SMPD3: variants seen among roughly 807,000 people sequenced by gnomAD.
SMPD3 encodes nSMase-2.
In SMPD3, 21 loss-of-function variants were observed where a neutral mutation model predicts 55.7. That is an observed-to-expected ratio of 0.38 (90% confidence interval 0.27 to 0.54). The LOEUF (loss-of-function observed/expected upper bound fraction) is 0.54, where lower values mean the gene tolerates loss of function less well. Among genes scored for constraint, SMPD3 ranks in the 20% least tolerant of loss-of-function variants. The pLI is 0.80. For synonymous variants in SMPD3, 457 were observed against 404.3 expected (o/e 1.13, Z -1.56); for missense variants, 842 against 899.6 (o/e 0.94, Z 0.82).
rs749570084 is a variant in SMPD3 at position 68,377,560 on chromosome 16, GC to G, written c.-206-5174del. ...GCTCAGAGGCCTGCACTGAGCCAGA[GC>G]CCCCCTCCCTAGACACTGGCCTGAG... On this transcript the variant is annotated intron_variant, in intron 2 of 8. Transcript: ENST00000219334. 3.9e-5 allele frequency among the ~76,000 whole-genome samples: 6 copies of G among 152,332 alleles called. 1 individual carries two copies. The highest frequency in any genetic ancestry group is 6.5e-5 in the Admixed American group (1 of 15,310).
intron 1 of SMPD3, among the ~76,000 whole-genome samples, chr16:68,416,408 C>G (rs2090340171): frequency 6.6e-6 from 1 of 152,220 alleles, no homozygotes; most frequent in South Asian, 2.1e-4. Context: ...ACTCTTCCCT[C>G]CACAAATCAT....
intron 1 of SMPD3, among the ~76,000 whole-genome samples, chr16:68,391,590 C>A (rs12927428): frequency 1.3e-5 from 2 of 151,918 alleles, no homozygotes; most frequent in Non-Finnish European, 2.9e-5. Flanking sequence ...GATCAGTTAT[C>A]CATTTGGAAA....
chr16:68,364,930 T>C (rs769294099), intron 4 of SMPD3, 24 bp from the exon 5 acceptor site: 2 of 1,612,828 alleles, frequency 1.2e-6, no homozygotes. Context: ...GTACAGAGAC[T>C]GGATGATGAA....
chr16:68,362,190 G>A (rs1243767633), intron 7 of SMPD3, among the ~76,000 whole-genome samples: 1 of 152,154 alleles, frequency 6.6e-6, no homozygotes, highest in African/African-American at 2.4e-5. Flanking sequence ...GAGCACCTCT[G>A]AGGAGTCTCA....
chr16:68,398,539 A>G (rs191290480), intron 1 of SMPD3, among the ~76,000 whole-genome samples: 1 of 152,308 alleles, frequency 6.6e-6, no homozygotes. Context: ...TCCAGAAACC[A>G]CCAAAAAGCT....
At chr16:68,410,048 G>T (rs189554178) in intron 1 of SMPD3, among the ~76,000 whole-genome samples, 1 of 152,224 alleles carries the variant, frequency 6.6e-6, no homozygotes, top group Non-Finnish European at 1.5e-5. Context: ...TGACCCTAAC[G>T]AGGCAGAGAT....
In SMPD3 at chr16:68,371,535, C is replaced by A; in HGVS notation, c.647G>T (p.Gly216Val). The stretch of plus-strand genomic sequence containing the variant: ...AGCCTCGTCACCGGGGTGCCGCCCA[C>A]CGTCACCCTTGTACTCCACAGAGGC... The part of the protein sequence containing the change: ...RTASVEYKGD[G>V]GRHPGDEAAN... Residue 216 changes from glycine (G) to valine (V), a missense_variant, in exon 3 of 9, where the codon GGT becomes GTT. By Grantham distance (109) the Gly-to-Val change is moderately radical. This residue lies in a region of SMPD3 where 649 missense variants were observed against 643.6 expected (regional missense o/e 1.01). Transcript: ENST00000219334. 1 of 1,601,834 alleles carries A rather than the reference C, an allele frequency of 6.2e-7. No homozygotes were observed. Among genetic ancestry groups the A allele is most frequent in the Non-Finnish European group, 8.5e-7 (1 of 1,179,282 alleles).
chr16:68,405,626 C>T (rs1377682366), intron 1 of SMPD3, among the ~76,000 whole-genome samples: 2 of 151,412 alleles, frequency 1.3e-5, no homozygotes, highest in African/African-American at 4.9e-5. Context: ...TGTGTTCTGC[C>T]CCCATCATGG....
intron 1 of SMPD3, among the ~76,000 whole-genome samples, chr16:68,411,048 C>T (rs557906341): frequency 6.6e-6 from 1 of 152,354 alleles, no homozygotes; most frequent in South Asian, 2.1e-4. Flanking sequence ...ACAGAGAAGG[C>T]CAGAGTTTAA....
intron 3 of SMPD3, chr16:68,368,290 C>T (rs2089545656): frequency 6.6e-6 from 1 of 151,932 alleles, no homozygotes; most frequent in African/African-American, 2.4e-5. Flanking sequence ...GTACAGGAGC[C>T]CCTCATCGGG....
chr16:68,438,660 C>T (rs565050423), intron 1 of SMPD3, among the ~76,000 whole-genome samples: 3 of 152,316 alleles, frequency 2.0e-5, no homozygotes, highest in African/African-American at 4.8e-5. Context: ...CATTCCTACC[C>T]CTGTTCATTT....
At chr16:68,417,826 A>C (rs2090351253) in intron 1 of SMPD3, among the ~76,000 whole-genome samples, 1 of 152,200 alleles carries the variant, frequency 6.6e-6, no homozygotes, top group Admixed American at 6.5e-5. Flanking sequence ...TAAATGAGTA[A>C]ACACATACAT....
At chr16:68,412,859 T>C (rs1031083263) in intron 1 of SMPD3, among the ~76,000 whole-genome samples, 11 of 152,360 alleles carry the variant, frequency 7.2e-5, no homozygotes, top group Middle Eastern at 3.4e-3. Flanking sequence ...AGGAATATGC[T>C]GTGCTTTTAA....
At chr16:68,395,715 A>C (rs966712430) in intron 1 of SMPD3, among the ~76,000 whole-genome samples, 1 of 152,284 alleles carries the variant, frequency 6.6e-6, no homozygotes, top group Non-Finnish European at 1.5e-5. Context: ...TCTTAAAAAA[A>C]TACATCAAGG....
intron 1 of SMPD3, among the ~76,000 whole-genome samples, chr16:68,423,069 G>A (rs2090408397): frequency 6.6e-6 from 1 of 152,200 alleles, no homozygotes; most frequent in Admixed American, 6.5e-5. Context: ...ACAGGCACTG[G>A]TATTACCTTA....
At chr16:68,383,891 G>GT (rs2090001131) in intron 2 of SMPD3, among the ~76,000 whole-genome samples, 1 of 151,878 alleles carries the variant, frequency 6.6e-6, no homozygotes, top group African/African-American at 2.4e-5. Context: ...CTGCCCCCTA[G>GT]TCCCCTGGAT....
In SMPD3 at chr16:68,372,384, G is replaced by T; in HGVS notation, c.-203C>A. 1 of 647,358 alleles carries T rather than the reference G, an allele frequency of 1.5e-6. No homozygotes were observed. Among genetic ancestry groups the T allele is most frequent in the Non-Finnish European group, 2.6e-6 (1 of 377,730 alleles). 40.1% of individuals were successfully genotyped at this position (647,358 alleles called of 1,614,324 possible). On this transcript the variant is annotated 5_prime_UTR_variant, in exon 3 of 9. The change creates a new upstream start codon in the 5' untranslated region. Coordinates refer to ENST00000219334, the MANE Select transcript of SMPD3 (RefSeq NM_018667.4). ...GTGGGCCATGCGGAGGCCTACTGCA[G>T]ACCCTGCAGAGACAAAAGTAGGGGG...
At chr16:68,408,432 A>G (rs1392675517) in intron 1 of SMPD3, among the ~76,000 whole-genome samples, 1 of 152,218 alleles carries the variant, frequency 6.6e-6, no homozygotes, top group Non-Finnish European at 1.5e-5. Context: ...GTCAGGGGTA[A>G]CTTCTGGGAA....
At chr16:68,383,915 C>T (rs1328219217) in intron 2 of SMPD3, among the ~76,000 whole-genome samples, 1 of 152,212 alleles carries the variant, frequency 6.6e-6, no homozygotes, top group Non-Finnish European at 1.5e-5. Flanking sequence ...TTCCCACAGC[C>T]ATATCCCAGT....
Sources: gnomAD v4.1 joint callset for allele counts (sites outside exome capture counted in the v4.1 genomes callset) on GRCh38, gnomAD v4.1.1 for gene constraint, gnomAD v4.1.1 regional missense constraint, MANE v1.5 for transcripts, NCBI Gene and HGNC (gene_info 2026-07-23, HGNC 2026-07-21) for gene names.